The following CTNNBL1 variants were observed in gnomAD, a reference collection of about 807,000 sequenced individuals.
CTNNBL1 encodes catenin beta like 1, also known as beta-catenin-like protein 1.
Under a neutral mutation model 72.7 loss-of-function variants are expected in CTNNBL1, and 31 were observed. That is an observed-to-expected ratio of 0.43 (90% CI 0.32 to 0.58). CTNNBL1 has a LOEUF of 0.58. CTNNBL1 is among the 20% of genes least tolerant of loss of function. The pLI, the probability that CTNNBL1 is intolerant of heterozygous loss-of-function variation, is 0.08. For synonymous variants in CTNNBL1, 240 were observed against 267.3 expected, an observed-to-expected ratio of 0.90 and a Z score of 1.00; for missense variants, 534 against 725.1, an observed-to-expected ratio of 0.74 and a Z score of 3.03.
intron 11 of CTNNBL1, among the ~76,000 whole-genome samples, chr20:37,807,970 G>C (rs2071974198): frequency 6.6e-6 from 1 of 152,138 alleles, no homozygotes; most frequent in Admixed American, 6.5e-5. Flanking sequence ...CATTAATATA[G>C]GTCCAGTTTT....
At chr20:37,712,642 A>G (rs2072948628) in intron 1 of CTNNBL1, among the ~76,000 whole-genome samples, 1 of 152,226 alleles carries the variant, frequency 6.6e-6, no homozygotes, top group African/African-American at 2.4e-5. Flanking sequence ...CAAAACACCC[A>G]AACTTAAAAA....
chr20:37,786,147 G>C (rs1228898417), intron 10 of CTNNBL1, among the ~76,000 whole-genome samples: 1 of 152,190 alleles, frequency 6.6e-6, no homozygotes, highest in African/African-American at 2.4e-5. Context: ...CCTGGTGCTG[G>C]GGGAGGGGTG....
At chr20:37,748,371 A>T (rs2073286989) in intron 4 of CTNNBL1, among the ~76,000 whole-genome samples, 1 of 152,178 alleles carries the variant, frequency 6.6e-6, no homozygotes, top group African/African-American at 2.4e-5. Context: ...TTTGTTCACC[A>T]GGGTTTGCTG....
intron 1 of CTNNBL1, among the ~76,000 whole-genome samples, chr20:37,722,158 T>C (rs945985699): frequency 6.6e-6 from 1 of 152,212 alleles, no homozygotes; most frequent in African/African-American, 2.4e-5. Context: ...CTTATGTTCT[T>C]TGTCAAAAGC....
At chr20:37,736,711 G>T (rs1328791143) in intron 2 of CTNNBL1, among the ~76,000 whole-genome samples, 1 of 151,784 alleles carries the variant, frequency 6.6e-6, no homozygotes, top group Non-Finnish European at 1.5e-5. Context: ...TAGTAGAGAT[G>T]GGGTTTTGCC....
chr20:37,804,410 T>G (rs1160000179), intron 11 of CTNNBL1, among the ~76,000 whole-genome samples: 1 of 149,192 alleles, frequency 6.7e-6, no homozygotes, highest in Admixed American at 6.7e-5. Context: ...GCATCCTTAT[T>G]TTTTTTTTTA....
intron 3 of CTNNBL1, among the ~76,000 whole-genome samples, chr20:37,746,240 A>G (rs1369834951): frequency 6.6e-6 from 1 of 152,220 alleles, no homozygotes; most frequent in African/African-American, 2.4e-5. Flanking sequence ...TGACTGCAAG[A>G]GTAAGGGAAC....
At chr20:37,777,255 A>C (rs1600481302) in intron 7 of CTNNBL1, 90 bp from the exon 8 acceptor site, 1 of 986,502 alleles carries the variant, frequency 1.0e-6, no homozygotes, top group East Asian at 2.4e-5. Flanking sequence ...GCTTCTCTCT[A>C]ACTCAGATCA....
intron 6 of CTNNBL1, among the ~76,000 whole-genome samples, chr20:37,766,945 G>A (rs2073473964): frequency 6.6e-6 from 1 of 152,214 alleles, no homozygotes; most frequent in Admixed American, 6.5e-5. Flanking sequence ...AATTCAGGGT[G>A]TCGTAGTGCT....
intron 1 of CTNNBL1, among the ~76,000 whole-genome samples, chr20:37,708,335 C>A (rs1167369203): frequency 6.6e-6 from 1 of 151,952 alleles, no homozygotes; most frequent in Non-Finnish European, 1.5e-5. Context: ...CCATGCCCAG[C>A]TAATTTTTGT....
Position 37,746,575 on chromosome 20 carries a change from C to T in CTNNBL1, c.434C>T (p.Ser145Leu), listed in dbSNP as rs754680214. 8.1e-6 allele frequency: 13 copies of T among 1,613,984 alleles called. No homozygotes were observed. The highest frequency in any genetic ancestry group is 5.0e-5 in the Admixed American group (3 of 60,008). ...HLLVELNAVQSLLGLLGHDNT... is the reference protein window; with the variant it reads ...HLLVELNAVQLLLGLLGHDNT... Reference sequence around the variant, plus strand: ...CTGGTGGAGCTGAATGCTGTACAGTCGCTTCTCGGCTTGCTCGGACACGAT... The same window carrying T: ...CTGGTGGAGCTGAATGCTGTACAGTTGCTTCTCGGCTTGCTCGGACACGAT... The change falls in exon 4 of 16, where the codon TCG (serine) becomes TTG (leucine). Residue 145 changes from serine to leucine, a missense_variant. Ser to Leu is a moderately radical substitution (Grantham distance 145). Transcript: ENST00000361383.
At chr20:37,776,570 G>A (rs145997933) in intron 7 of CTNNBL1, among the ~76,000 whole-genome samples, 29 of 152,124 alleles carry the variant, frequency 1.9e-4, no homozygotes, top group African/African-American at 6.7e-4. Flanking sequence ...ACTGAGACTC[G>A]CTCCTCTCTA....
chr20:37,791,222 C>G (rs1028069556), intron 10 of CTNNBL1, among the ~76,000 whole-genome samples: 1 of 152,142 alleles, frequency 6.6e-6, no homozygotes, highest in African/African-American at 2.4e-5. Context: ...CTTTCATGTG[C>G]AAATCTTTGG....
At chr20:37,857,838 G>A (rs947437852) in intron 13 of CTNNBL1, among the ~76,000 whole-genome samples, 1 of 152,174 alleles carries the variant, frequency 6.6e-6, no homozygotes, top group Non-Finnish European at 1.5e-5. Context: ...AGGCCCATGG[G>A]CTAGTCACGC....
rs1459506121 is a variant in CTNNBL1 at position 37,807,845 on chromosome 20, C to T, written c.1213+4797C>T. On this transcript the variant is annotated intron_variant, in intron 11 of 15. Coordinates refer to ENST00000361383, the MANE Select transcript of CTNNBL1 (RefSeq NM_030877.5). The stretch of plus-strand genomic sequence containing the variant: ...TGCCTCCTTGGTTTTAAAAGAATAG[C>T]ACAGTATATATTGTCTCCTTGGTAT... 2.0e-5 allele frequency among the ~76,000 whole-genome samples: 3 copies of T among 152,156 alleles called. No individual in the cohort carries two copies. In the East Asian group the frequency reaches 5.8e-4, roughly 29 times the overall value.
rs562319563 is a variant in CTNNBL1 at position 37,704,027 on chromosome 20, T to G, written c.30+9875T>G. ...CCTGACCTCAGGTGATCCACCTGTC[T>G]CGACCTCCCAAAGTGCTGGGATTAC... is the stretch of plus-strand genomic sequence containing the variant. On this transcript the variant is annotated intron_variant, in intron 1 of 15. Coordinates refer to ENST00000361383, the MANE Select transcript of CTNNBL1 (RefSeq NM_030877.5). 1.0e-3 allele frequency among the ~76,000 whole-genome samples: 154 copies of G among 152,310 alleles called. 2 individuals carry two copies. The highest frequency in any genetic ancestry group is 2.5e-3 in the African/African-American group (104 of 41,566).
At chr20:37,772,639 C>T (rs557346832) in intron 7 of CTNNBL1, among the ~76,000 whole-genome samples, 11 of 152,316 alleles carry the variant, frequency 7.2e-5, no homozygotes, top group Admixed American at 3.9e-4. Flanking sequence ...TAAGCCACTG[C>T]GCCCGGCCCA....
chr20:37,831,896 T>C (rs772259035), intron 11 of CTNNBL1, among the ~76,000 whole-genome samples: 1 of 152,204 alleles, frequency 6.6e-6, no homozygotes, highest in African/African-American at 2.4e-5. Context: ...GATCACACAT[T>C]GTATTTTCAG....
At chr20:37,844,841 G>A (rs60131691) in intron 13 of CTNNBL1, among the ~76,000 whole-genome samples, 3 of 152,250 alleles carry the variant, frequency 2.0e-5, no homozygotes, top group East Asian at 1.9e-4. Context: ...CCAGTTACTC[G>A]GGAGGCTGAG....
Sources: gnomAD v4.1 joint callset for allele counts (sites outside exome capture counted in the v4.1 genomes callset) on GRCh38, gnomAD v4.1.1 for gene constraint, MANE v1.5 for transcripts, NCBI Gene and HGNC (gene_info 2026-07-23, HGNC 2026-07-21) for gene names.